The following SDCCAG8 variants were observed in gnomAD, a reference collection of about 807,000 sequenced individuals.
SDCCAG8 encodes the protein SHH signaling and ciliogenesis regulator SDCCAG8.
SDCCAG8 carries 74 observed loss-of-function variants against 101.8 expected under a neutral mutation model. The ratio of observed to expected loss-of-function variants is 0.73; its 90% CI spans 0.60 to 0.88. The LOEUF (loss-of-function observed/expected upper bound fraction) is 0.88, where lower values mean the gene tolerates loss of function less well. Ranked by LOEUF, SDCCAG8 falls within the 40% of genes least tolerant of loss-of-function variation. SDCCAG8 has a pLI of 0.00. For missense variants in SDCCAG8, 787 were observed against 822.6 expected, an observed-to-expected ratio of 0.96 and a Z score of 0.53; for synonymous variants, 281 against 292.9, an observed-to-expected ratio of 0.96 and a Z score of 0.41.
At chr1:243,366,150 T>C (rs1265765542) in intron 12 of SDCCAG8, among the ~76,000 whole-genome samples, 1 of 152,096 alleles carries the variant, frequency 6.6e-6, no homozygotes, top group Non-Finnish European at 1.5e-5. Context: ...AATTGACTTA[T>C]GAAGTTTTCT....
rs1214427076 is a variant in SDCCAG8, at chr1:243,499,951, G to C, written c.*166G>C. 2 of 683,488 alleles carry C rather than the reference G, an allele frequency of 2.9e-6. No homozygotes were observed. Among genetic ancestry groups the C allele is most frequent in the South Asian group, 1.6e-5 (1 of 62,460 alleles). The allele number at this position is 683,488 out of a possible 1,614,324, so 42.3% of individuals were successfully genotyped here. A position where few individuals can be genotyped will look rare whatever the true frequency, so the allele number is the denominator to read the frequency against. On this transcript the variant is annotated 3_prime_UTR_variant, in exon 18 of 18. Coordinates refer to ENST00000366541, the MANE Select transcript of SDCCAG8 (RefSeq NM_006642.5). The stretch of plus-strand genomic sequence containing the variant: ...GCGGGCGCTGTCCCCGCACGCAGTC[G>C]GGCTGGAGCTGGAGTCTGACTCTAG...
Position 243,264,736 on chromosome 1 carries a change from T to C in SDCCAG8, c.68-5369T>C, listed in dbSNP as rs181996861. ...TGTTTGGATAGTGCATTAGCAGAAA[T>C]ATTATCTACTTGCACTTACGTTCAT... On this transcript the variant is annotated intron_variant, in intron 1 of 17. Transcript: ENST00000366541. 2.3e-3 allele frequency among the ~76,000 whole-genome samples: 349 copies of C among 152,356 alleles called. 3 individuals are homozygous for C. The highest frequency in any genetic ancestry group is 8.2e-3 in the African/African-American group (340 of 41,574).
intron 13 of SDCCAG8, among the ~76,000 whole-genome samples, chr1:243,406,606 C>T (rs554812020): frequency 3.9e-5 from 6 of 152,266 alleles, no homozygotes; most frequent in East Asian, 3.9e-4. Flanking sequence ...CACAACACTC[C>T]GCTGCTTAAA....
At chr1:243,334,440 A>G (rs1250715278) in intron 10 of SDCCAG8, among the ~76,000 whole-genome samples, 1 of 151,928 alleles carries the variant, frequency 6.6e-6, no homozygotes, top group Non-Finnish European at 1.5e-5. Context: ...TTGCACCCTC[A>G]CCACACTGAC....
intron 12 of SDCCAG8, among the ~76,000 whole-genome samples, chr1:243,344,543 T>C (rs1366216051): frequency 6.6e-6 from 1 of 152,216 alleles, no homozygotes; most frequent in Non-Finnish European, 1.5e-5. Flanking sequence ...GCATATAAAA[T>C]TCCAATCTGA....
chr1:243,346,454 T>G (rs1296758694), intron 12 of SDCCAG8, among the ~76,000 whole-genome samples: 1 of 152,268 alleles, frequency 6.6e-6, no homozygotes, highest in African/African-American at 2.4e-5. Flanking sequence ...TTTATTCATA[T>G]TTTAGTTCAT....
At chr1:243,353,336 C>G (rs1036764217) in intron 12 of SDCCAG8, among the ~76,000 whole-genome samples, 9 of 150,636 alleles carry the variant, frequency 6.0e-5, no homozygotes, top group Admixed American at 1.3e-4. Flanking sequence ...ACTAAAAATT[C>G]AAAAATTAGC....
At chr1:243,384,603 C>A (rs1182057773) in intron 13 of SDCCAG8, among the ~76,000 whole-genome samples, 3 of 151,762 alleles carry the variant, frequency 2.0e-5, no homozygotes, top group African/African-American at 7.3e-5. Context: ...CACACACACA[C>A]ACACACACAC....
chr1:243,364,687 C>A (rs1024163132), intron 12 of SDCCAG8, among the ~76,000 whole-genome samples: 1 of 152,058 alleles, frequency 6.6e-6, no homozygotes, highest in Non-Finnish European at 1.5e-5. Flanking sequence ...TCCTATAAAA[C>A]AAAATCATTT....
chr1:243,300,098 C>T (rs1336857606), intron 6 of SDCCAG8, among the ~76,000 whole-genome samples: 2 of 150,546 alleles, frequency 1.3e-5, no homozygotes, highest in South Asian at 2.1e-4. Flanking sequence ...CTCCTGACCT[C>T]GTGATCCGCC....
At chr1:243,464,226 C>T (rs565547777) in intron 16 of SDCCAG8, among the ~76,000 whole-genome samples, 16 of 152,254 alleles carry the variant, frequency 1.1e-4, no homozygotes, top group South Asian at 2.1e-4. Context: ...TCCAGTTACA[C>T]GAATTGTTTT....
At chr1:243,372,928 ATATCTATATCTATATCTATATC>A (rs1298990801) in intron 12 of SDCCAG8, among the ~76,000 whole-genome samples, 29 of 145,654 alleles carry the variant, frequency 2.0e-4, no homozygotes, top group African/African-American at 6.6e-4. Context: ...ATCTATATCT[ATATCTATATCTATATCTATATC>A]TATCTATATA....
At chr1:243,262,567 T>C (rs1348128304) in intron 1 of SDCCAG8, among the ~76,000 whole-genome samples, 1 of 152,238 alleles carries the variant, frequency 6.6e-6, no homozygotes, top group East Asian at 1.9e-4. Flanking sequence ...AAGTAAATAG[T>C]CATCCCTGGA....
At chr1:243,401,673 G>A (rs1480379021) in intron 13 of SDCCAG8, among the ~76,000 whole-genome samples, 3 of 151,058 alleles carry the variant, frequency 2.0e-5, no homozygotes, top group African/African-American at 4.9e-5. Context: ...ATAATACTTT[G>A]TAATTTAATT....
chr1:243,450,624 TTTTG>T (rs556071030), intron 16 of SDCCAG8, among the ~76,000 whole-genome samples: 18 of 152,136 alleles, frequency 1.2e-4, no homozygotes, highest in Non-Finnish European at 2.1e-4. Context: ...ACCTGTTTAT[TTTTG>T]TTTGTTTGTT....
chr1:243,481,916 G>GC (rs35571262), intron 16 of SDCCAG8, among the ~76,000 whole-genome samples: 1 of 152,228 alleles, frequency 6.6e-6, no homozygotes, highest in Non-Finnish European at 1.5e-5. Context: ...AAGGATATAG[G>GC]CCCCCTCTGG....
chr1:243,318,105 A>G (rs1161102342), intron 9 of SDCCAG8: 1 of 456,500 alleles, frequency 2.2e-6, no homozygotes, highest in Admixed American at 2.3e-5. Context: ...GAATCAATCT[A>G]AATGTTCATC....
rs1036869963 is a variant in SDCCAG8 at position 243,488,906 on chromosome 1, C to T, written c.1986-108C>T. On this transcript the variant is annotated intron_variant, in intron 16 of 17. Transcript: ENST00000366541. ...GGCACCTCAGGGTCACCCTAGGCGT[C>T]CTGCTCATGGTTCCCTATCAGGGGC... 5.4e-5 allele frequency: 84 copies of T among 1,541,622 alleles called. 1 individual carries two copies. In the South Asian group the frequency reaches 7.3e-4, roughly 13 times the overall value.
At chr1:243,470,481 C>CTTTTTT (rs374087282) in intron 16 of SDCCAG8, among the ~76,000 whole-genome samples, 1 of 144,582 alleles carries the variant, frequency 6.9e-6, no homozygotes, top group African/African-American at 2.5e-5. Flanking sequence ...TTTCCTTTTC[C>CTTTTTT]TTTTTTTTTT....
Sources: gnomAD v4.1 joint callset for allele counts (sites outside exome capture counted in the v4.1 genomes callset) on GRCh38, gnomAD v4.1.1 for gene constraint, MANE v1.5 for transcripts, NCBI Gene and HGNC (gene_info 2026-07-23, HGNC 2026-07-21) for gene names.